The following TENM2 variants were observed in gnomAD, a reference collection of about 807,000 sequenced individuals.
TENM2 encodes teneurin transmembrane protein 2, also known as teneurin-2.
In TENM2, 52 loss-of-function variants were observed where a neutral mutation model predicts 245.2. That is an observed-to-expected ratio of 0.21 (90% confidence interval 0.17 to 0.27). The LOEUF (loss-of-function observed/expected upper bound fraction) is 0.27. TENM2 is among the 10% of genes least tolerant of loss of function. The probability of loss-of-function intolerance (pLI) is 1.00; values close to 1 mark genes in which losing one functional copy is unlikely to be tolerated. For synonymous variants in TENM2, 1,363 were observed against 1,438.9 expected (o/e 0.95, Z 1.19); for missense variants, 3,046 against 3,666.8 (o/e 0.83, Z 4.37).
chr5:167,438,795 TGATA>T (rs1299076555), intron 2 of TENM2, among the ~76,000 whole-genome samples: 9 of 151,726 alleles, frequency 5.9e-5, no homozygotes, highest in Non-Finnish European at 4.4e-5. Flanking sequence ...GTTTTTTGTT[TGATA>T]GTTTGCTTTT....
chr5:167,060,847 C>G, the TENM2 span, among the ~76,000 whole-genome samples: 1 of 151,904 alleles, frequency 6.6e-6, no homozygotes, highest in African/African-American at 2.4e-5. Context: ...TTTGGACTCA[C>G]CACATTTTTA....
In TENM2 at chr5:167,475,067, T is replaced by C. The variant is rs890018215; in HGVS notation, c.502+99594T>C. Among the ~76,000 whole-genome samples the C allele has an allele frequency of 1.1e-4, 16 of 152,332 alleles. No individual in the cohort carries two copies. The East Asian group carries it at 1.3e-3, about 13-fold the overall frequency. ...AAATTGTCGGAGCTAACCATAAAAA[T>C]TGAAAACACAAATATATGCAATATT... On this transcript the variant is annotated intron_variant, in intron 2 of 28. Transcript: ENST00000518659.
Position 168,171,162 on chromosome 5 carries a change from G to A in TENM2, c.2569+8405G>A, listed in dbSNP as rs75260408. On this transcript the variant is annotated intron_variant, in intron 13 of 28. Transcript: ENST00000518659. Reference sequence around the variant, plus strand: ...AGGACTTATTACGAAGTCTTCCTCTGTGTCTCTCCCATCAACCATTAGTGT... The same window carrying A: ...AGGACTTATTACGAAGTCTTCCTCTATGTCTCTCCCATCAACCATTAGTGT... 1.2e-4 allele frequency among the ~76,000 whole-genome samples: 18 copies of A among 152,326 alleles called. No individual in the cohort carries two copies. The East Asian group carries it at 3.5e-3, about 29-fold the overall frequency.
chr5:167,531,904 G>A (rs1016775691), intron 2 of TENM2, among the ~76,000 whole-genome samples: 3 of 152,130 alleles, frequency 2.0e-5, no homozygotes, highest in Non-Finnish European at 4.4e-5. Context: ...TACCCAGCAC[G>A]TTGTCTTTTC....
intron 2 of TENM2, among the ~76,000 whole-genome samples, chr5:167,459,088 C>G (rs532000516): frequency 6.6e-6 from 1 of 152,314 alleles, no homozygotes; most frequent in South Asian, 2.1e-4. Context: ...CACCATGCAT[C>G]TCCAGGATTC....
intron 2 of TENM2, among the ~76,000 whole-genome samples, chr5:167,473,660 T>A (rs541008953): frequency 6.6e-6 from 1 of 152,276 alleles, no homozygotes; most frequent in African/African-American, 2.4e-5. Context: ...TATTGTAGAT[T>A]GTGAGTCAAT....
chr5:168,050,171 T>G (rs1788953045), intron 6 of TENM2, among the ~76,000 whole-genome samples: 1 of 152,160 alleles, frequency 6.6e-6, no homozygotes, highest in South Asian at 2.1e-4. Context: ...AAGAAAAAAG[T>G]GTGAGAATTT....
chr5:167,783,173 G>GTTTTTTTTTTTTTTTTTTTTTTT (rs34061894), intron 2 of TENM2, among the ~76,000 whole-genome samples: 1 of 143,972 alleles, frequency 6.9e-6, no homozygotes. Context: ...CTAGAAACAG[G>GTTTTTTTTTTTTTTTTTTTTTTT]TTTTTTTTTT....
intron 2 of TENM2, among the ~76,000 whole-genome samples, chr5:167,768,080 G>A (rs780998832): frequency 1.6e-4 from 24 of 152,086 alleles, no homozygotes; most frequent in East Asian, 3.9e-4. Context: ...TTAGTAATGC[G>A]CGTCTTCCAT....
At chr5:167,850,667 A>G (rs1283198372) in intron 2 of TENM2, among the ~76,000 whole-genome samples, 1 of 152,214 alleles carries the variant, frequency 6.6e-6, no homozygotes, top group Non-Finnish European at 1.5e-5. Context: ...GCTGGTAAAT[A>G]ACTTCCTGGG....
At chr5:167,127,139 G>A in the TENM2 span, among the ~76,000 whole-genome samples, 1 of 152,022 alleles carries the variant, frequency 6.6e-6, no homozygotes, top group Non-Finnish European at 1.5e-5. Context: ...TTTGTCTTAG[G>A]CCAAGAATAA....
intron 8 of TENM2, among the ~76,000 whole-genome samples, chr5:168,097,623 T>C (rs2152274913): frequency 6.6e-6 from 1 of 151,988 alleles, no homozygotes; most frequent in South Asian, 2.1e-4. Context: ...TGTGTGTGTG[T>C]GTATTTTTAG....
chr5:167,481,444 A>G (rs1767752542), intron 2 of TENM2, among the ~76,000 whole-genome samples: 1 of 152,212 alleles, frequency 6.6e-6, no homozygotes, highest in African/African-American at 2.4e-5. Context: ...TCCATAAATA[A>G]AGTTTTATTG....
intron 9 of TENM2, among the ~76,000 whole-genome samples, chr5:168,108,612 A>T (rs1249327357): frequency 6.6e-6 from 1 of 152,170 alleles, no homozygotes; most frequent in Non-Finnish European, 1.5e-5. Context: ...AGACTTAGAG[A>T]AAGTAAGCTA....
the TENM2 span, among the ~76,000 whole-genome samples, chr5:167,212,021 G>A: frequency 6.6e-6 from 1 of 152,082 alleles, no homozygotes; most frequent in African/African-American, 2.4e-5. Context: ...AATTAATACT[G>A]CTTCCACATC....
the TENM2 span, among the ~76,000 whole-genome samples, chr5:167,219,300 AAAACAAACAAACAAAC>A: frequency 1.3e-5 from 2 of 150,536 alleles, no homozygotes; most frequent in Admixed American, 6.6e-5. Flanking sequence ...ACCCAATTTC[AAAACAAACAAACAAAC>A]AAACAAACAA....
chr5:167,675,214 G>A (rs1213177183), intron 2 of TENM2, among the ~76,000 whole-genome samples: 1 of 152,044 alleles, frequency 6.6e-6, no homozygotes, highest in African/African-American at 2.4e-5. Flanking sequence ...CTTTGAATTT[G>A]GAAGACAAAA....
At chr5:167,516,082 T>A (rs1770364001) in intron 2 of TENM2, among the ~76,000 whole-genome samples, 1 of 152,102 alleles carries the variant, frequency 6.6e-6, no homozygotes, top group South Asian at 2.1e-4. Flanking sequence ...AATGCTAGTT[T>A]TTGTATCAAA....
At chr5:167,347,722 C>G (rs1456521444) in intron 1 of TENM2, among the ~76,000 whole-genome samples, 1 of 150,786 alleles carries the variant, frequency 6.6e-6, no homozygotes, top group Admixed American at 6.6e-5. Context: ...CCCTTCTTTC[C>G]TTTTTTCTTC....
Sources: gnomAD v4.1 joint callset for allele counts (sites outside exome capture counted in the v4.1 genomes callset) on GRCh38, gnomAD v4.1.1 for gene constraint, MANE v1.5 for transcripts, NCBI Gene and HGNC (gene_info 2026-07-23, HGNC 2026-07-21) for gene names.